HS6ST2: variants seen among roughly 807,000 people sequenced by gnomAD.
The protein encoded by HS6ST2 is heparan-sulfate 6-O-sulfotransferase 2.
HS6ST2 carries 17 observed loss-of-function variants against 33.0 expected under a neutral mutation model. The ratio of observed to expected loss-of-function variants is 0.52; its 90% CI spans 0.35 to 0.77. The LOEUF is 0.77. Among genes scored for constraint, HS6ST2 ranks in the 30% least tolerant of loss-of-function variants. HS6ST2 has a pLI of 0.01. For synonymous variants in HS6ST2, 248 were observed against 237.1 expected, an observed-to-expected ratio of 1.05 and a Z score of -0.42; for missense variants, 519 against 551.7, an observed-to-expected ratio of 0.94 and a Z score of 0.59.
intron 2 of HS6ST2, among the ~76,000 whole-genome samples, chrX:132,768,865 G>A (rs1355669895): frequency 8.9e-6 from 1 of 112,400 alleles, no homozygotes; most frequent in Non-Finnish European, 1.9e-5. Flanking sequence ...TCCTTTTCAC[G>A]TTTCATCAAA....
At chrX:132,891,458 A>G (rs1160974227) in intron 2 of HS6ST2, among the ~76,000 whole-genome samples, 5 of 108,395 alleles carry the variant, frequency 4.6e-5, no homozygotes, top group Admixed American at 9.9e-5. Flanking sequence ...ATATGTATAC[A>G]TGTGCCATGC....
chrX:132,895,793 T>C (rs146830398), intron 2 of HS6ST2, among the ~76,000 whole-genome samples: 138 of 110,425 alleles, frequency 1.2e-3, no homozygotes, highest in Non-Finnish European at 2.2e-3. Context: ...CTGTGGGTTC[T>C]AATCTGTTGC....
chrX:132,827,071 G>T (rs1463463816), intron 2 of HS6ST2, among the ~76,000 whole-genome samples: 1 of 111,649 alleles, frequency 9.0e-6, no homozygotes, highest in Non-Finnish European at 1.9e-5. Flanking sequence ...ACCAATGTTG[G>T]ATAATTATAT....
chrX:132,651,118 T>C (rs1221719026), intron 4 of HS6ST2, among the ~76,000 whole-genome samples: 3 of 111,832 alleles, frequency 2.7e-5, no homozygotes, highest in Non-Finnish European at 3.8e-5. Context: ...TCTCCTACCA[T>C]TGTAGGAATT....
intron 2 of HS6ST2, among the ~76,000 whole-genome samples, chrX:132,939,145 C>T (rs1418079892): frequency 1.8e-5 from 2 of 111,270 alleles, no homozygotes; most frequent in Non-Finnish European, 3.8e-5. Flanking sequence ...AGATCTGCTC[C>T]CATAATCCAA....
chrX:132,915,250 G>A (rs866526209), intron 2 of HS6ST2, among the ~76,000 whole-genome samples: 3 of 111,845 alleles, frequency 2.7e-5, no homozygotes, highest in Admixed American at 9.5e-5. Context: ...CATCCTCAGG[G>A]CTCAGGGCTC....
chrX:132,835,736 C>T (rs1282415678), intron 2 of HS6ST2, among the ~76,000 whole-genome samples: 4 of 111,633 alleles, frequency 3.6e-5, no homozygotes, highest in Non-Finnish European at 7.5e-5. Context: ...GCCAACATGG[C>T]GAAACCCCGT....
chrX:132,637,866 A>T (rs858621), intron 4 of HS6ST2, among the ~76,000 whole-genome samples: 10,905 of 41,945 alleles, frequency 0.26, 1,434 homozygotes, highest in African/African-American at 0.45. Context: ...TATATAATAT[A>T]TTATATATAA....
At position 132,628,429 on chromosome X, in the gene HS6ST2, TCTGGCC is replaced by T; in HGVS notation, c.1726_1731del (p.Gly576_Gln577del). ...CTCTGATTCTGATTCGGATTCTGGCTCTGGCCCTGACCCTGGCTCTGGAAATGGGTC... is the reference window on the plus strand; with the variant it reads ...CTCTGATTCTGATTCGGATTCTGGCTCTGACCCTGGCTCTGGAAATGGGTC... On this transcript the variant is annotated inframe_deletion, in exon 5 of 5. Transcript: ENST00000370833. 8.3e-7 allele frequency: 1 copy of T among 1,208,521 alleles called. No individual in the cohort carries two copies. The highest frequency in any genetic ancestry group is 1.1e-6 in the Non-Finnish European group (1 of 893,043).
chrX:132,872,221 T>A (rs1174190951), intron 2 of HS6ST2, among the ~76,000 whole-genome samples: 1 of 111,983 alleles, frequency 8.9e-6, no homozygotes, highest in Non-Finnish European at 1.9e-5. Context: ...TCATTCATAG[T>A]CCGACTCAAG....
chrX:132,948,431 T>C (rs1010226139), intron 2 of HS6ST2, among the ~76,000 whole-genome samples: 1 of 112,487 alleles, frequency 8.9e-6, no homozygotes, highest in African/African-American at 3.2e-5. Flanking sequence ...ATGGAATTTA[T>C]GCACAATTTG....
chrX:132,900,144 G>T (rs1304630070), intron 2 of HS6ST2, among the ~76,000 whole-genome samples: 1 of 111,299 alleles, frequency 9.0e-6, no homozygotes, highest in East Asian at 2.8e-4. Context: ...TTTTTCTTCT[G>T]CAGATGATCA....
chrX:132,805,583 C>A (rs748272509), intron 2 of HS6ST2, among the ~76,000 whole-genome samples: 65 of 109,200 alleles, frequency 6.0e-4, no homozygotes, highest in African/African-American at 1.9e-3. Flanking sequence ...CTCCAAATGT[C>A]CCCCCTCTCC....
intron 4 of HS6ST2, among the ~76,000 whole-genome samples, chrX:132,631,605 G>GAA (rs111750127): frequency 5.8e-3 from 571 of 98,001 alleles, no homozygotes; most frequent in African/African-American, 8.5e-3. Context: ...TGATTATTTG[G>GAA]AAAAAAAAAA....
At chrX:132,934,951 C>T (rs1324749689) in intron 2 of HS6ST2, among the ~76,000 whole-genome samples, 2 of 110,936 alleles carry the variant, frequency 1.8e-5, no homozygotes, top group African/African-American at 6.5e-5. Context: ...AAACAAGAAC[C>T]ACAAGAAATA....
intron 2 of HS6ST2, among the ~76,000 whole-genome samples, chrX:132,772,847 CAT>C (rs1397037158): frequency 3.8e-5 from 3 of 79,519 alleles, no homozygotes; most frequent in Non-Finnish European, 6.8e-5. Context: ...TAAAATATAA[CAT>C]ATAATATAGT....
intron 2 of HS6ST2, among the ~76,000 whole-genome samples, chrX:132,934,194 T>C (rs2148489237): frequency 8.9e-6 from 1 of 111,958 alleles, no homozygotes; most frequent in African/African-American, 3.2e-5. Context: ...CCATAAAATA[T>C]ATACATTTAA....
intron 2 of HS6ST2, among the ~76,000 whole-genome samples, chrX:132,736,091 C>T (rs749066433): frequency 6.3e-5 from 7 of 110,920 alleles, no homozygotes; most frequent in East Asian, 5.7e-4. Context: ...GTGATCCACC[C>T]GCCTCGGCCT....
chrX:132,797,297 G>C, intron 2 of HS6ST2, among the ~76,000 whole-genome samples: 1 of 111,554 alleles, frequency 9.0e-6, no homozygotes, highest in South Asian at 3.8e-4. Flanking sequence ...TAAGTCATAG[G>C]GTTGGAAGCT....
Sources: allele counts gnomAD v4.1 joint callset (sites outside exome capture counted in the v4.1 genomes callset), GRCh38; gene constraint gnomAD v4.1.1; transcripts MANE v1.5; gene names NCBI Gene and HGNC (gene_info 2026-07-23, HGNC 2026-07-21).